The following DOC2A variants were observed in gnomAD, a reference collection of about 807,000 sequenced individuals.
The protein encoded by DOC2A is double C2-like domain-containing protein alpha.
Under a neutral mutation model 40.6 loss-of-function variants are expected in DOC2A, and 28 were observed. That is an observed-to-expected ratio of 0.69 (90% CI 0.51 to 0.95). DOC2A has a LOEUF of 0.95. Ranked by LOEUF, DOC2A falls within the 40% of genes least tolerant of loss-of-function variation. The pLI is 0.00. For missense variants in DOC2A, 474 were observed against 552.5 expected, an observed-to-expected ratio of 0.86 and a Z score of 1.42; for synonymous variants, 241 against 236.9, an observed-to-expected ratio of 1.02 and a Z score of -0.16.
intron 5 of DOC2A, chr16:30,007,609 T>C: frequency 2.3e-6 from 1 of 440,870 alleles, no homozygotes; most frequent in Non-Finnish European, 4.2e-6. Flanking sequence ...GATGTGGCCA[T>C]AGACACAGGC....
intron 1 of DOC2A, among the ~76,000 whole-genome samples, chr16:30,019,160 A>G (rs1323842405): frequency 6.6e-6 from 1 of 152,152 alleles, no homozygotes; most frequent in Non-Finnish European, 1.5e-5. Context: ...TCTACTAAAA[A>G]TTAAAAAATT....
upstream of DOC2A, among the ~76,000 whole-genome samples, chr16:30,022,553 C>T (rs1428480703): frequency 6.6e-6 from 1 of 152,046 alleles, no homozygotes; most frequent in East Asian, 1.9e-4. Context: ...TGCCTGTGGT[C>T]CCAGCTACTC....
At chr16:30,007,640 T>C (rs1001648775) in intron 5 of DOC2A, 7 of 395,044 alleles carry the variant, frequency 1.8e-5, no homozygotes, top group Non-Finnish European at 3.4e-5. Flanking sequence ...AGAAGGGCCT[T>C]GGAGCCTTGG....
upstream of DOC2A, chr16:30,013,598 T>G (rs2070819150): frequency 1.1e-5 from 1 of 87,352 alleles, no homozygotes; most frequent in Non-Finnish European, 2.0e-5. Flanking sequence ...AGTGAGACCC[T>G]GTCTCAAAAA....
chr16:30,013,866 G>A (rs987220941), upstream of DOC2A, among the ~76,000 whole-genome samples: 3 of 151,982 alleles, frequency 2.0e-5, no homozygotes, highest in East Asian at 2.0e-4. Context: ...AGGGGCGCAC[G>A]CCCCACACTT....
In DOC2A at chr16:30,005,864, G is replaced by A; in HGVS notation, c.*322C>T. 1 of 486,212 alleles carries A rather than the reference G, an allele frequency of 2.1e-6. No individual in the cohort carries two copies. The allele number at this position is 486,212 out of a possible 1,614,324, so 30.1% of individuals were successfully genotyped here. ...CCCCTAATCCGACCTCCTCCCTGTT[G>A]GGGGAGAGGGACGGGGCAGCGTGGA... On this transcript the variant is annotated 3_prime_UTR_variant, in exon 11 of 11. Transcript: ENST00000350119.
At position 30,009,909 on chromosome 16, in the gene DOC2A, C is replaced by G. The variant is rs963449566; in HGVS notation, c.262+52G>C. 2.4e-5 allele frequency: 39 copies of G among 1,608,946 alleles called. No homozygotes were observed. The highest frequency in any genetic ancestry group is 1.2e-4 in the Admixed American group (7 of 59,972). On this transcript the variant is annotated intron_variant, in intron 2 of 10. Transcript: ENST00000350119. This position sits in a 1 kb window ranked among gnomAD's most constrained non-coding sequence, Gnocchi z 4.1. ...CCATCCCCCTCTCCCCCCACCACGG[C>G]AAGCCTGGAGACCCCCACCAGCACA...
At chr16:30,012,957 C>T (rs181622362), upstream of DOC2A, among the ~76,000 whole-genome samples, 3 of 151,956 alleles carry the variant, frequency 2.0e-5, no homozygotes, top group East Asian at 1.9e-4. Context: ...TGCCACTGCA[C>T]TCCAGCCTGG....
rs1277988880 is a variant in DOC2A, at chr16:30,006,285, G to A, written c.1104C>T (p.His368=). The part of the protein sequence containing the change: ...GPGARGEARK[H]WSDCLQQPDA... The stretch of plus-strand genomic sequence containing the variant: ...CCGGCTGCTGCAGGCAGTCACTCCA[G>A]TGCTTCCGAGCCTCGCCTCGGGCAC... The change falls in exon 11 of 11, where the codon CAC becomes CAT. Residue 368 remains histidine, a synonymous_variant. Transcript: ENST00000350119. This position sits in a 1 kb window ranked among gnomAD's most constrained non-coding sequence, Gnocchi z 6.2. 6.2e-7 allele frequency: 1 copy of A among 1,608,496 alleles called. No homozygotes were observed. The highest frequency in any genetic ancestry group is 8.5e-7 in the Non-Finnish European group (1 of 1,178,276).
chr16:30,019,977 A>C (rs1332532192), intron 1 of DOC2A, among the ~76,000 whole-genome samples: 3 of 151,756 alleles, frequency 2.0e-5, no homozygotes, highest in African/African-American at 7.3e-5. Context: ...GGCGCAATTT[A>C]GGCTCACCGC....
upstream of DOC2A, among the ~76,000 whole-genome samples, chr16:30,015,784 T>C (rs1176117626): frequency 7.0e-6 from 1 of 143,744 alleles, no homozygotes; most frequent in Non-Finnish European, 1.5e-5. Context: ...CACGACATCC[T>C]CGAACTCTTG....
At chr16:30,014,976 G>A (rs2070840960), upstream of DOC2A, 1 of 152,070 alleles carries the variant, frequency 6.6e-6, no homozygotes, top group African/African-American at 2.4e-5. Context: ...AAAAGCAAGT[G>A]CAGAGAAGCA....
In DOC2A at chr16:30,010,984, G is replaced by A. The variant is rs547425983; in HGVS notation, c.-95C>T. 1.5e-4 allele frequency: 155 copies of A among 1,002,222 alleles called. No individual in the cohort carries two copies. In the African/African-American group the frequency reaches 2.2e-3, roughly 15 times the overall value. The allele number at this position is 1,002,222 out of a possible 1,614,324, so 62.1% of individuals were successfully genotyped here. On this transcript the variant is annotated 5_prime_UTR_variant, in exon 1 of 11. Transcript: ENST00000350119. The surrounding 1 kb of genome is among the most constrained non-coding windows in gnomAD (Gnocchi z 4.2). ...CGGCGGCCGGCGAGGAGAGCGCGGAGTCGAGCTGTGCGAGCCGAGAGGGAG... is the reference window on the plus strand; with the variant it reads ...CGGCGGCCGGCGAGGAGAGCGCGGAATCGAGCTGTGCGAGCCGAGAGGGAG...
At chr16:30,019,960 G>C (rs2070893288) in intron 1 of DOC2A, among the ~76,000 whole-genome samples, 1 of 151,886 alleles carries the variant, frequency 6.6e-6, no homozygotes, top group Non-Finnish European at 1.5e-5. Flanking sequence ...CCAGGCTGGA[G>C]TGCAGTGGCG....
upstream of DOC2A, chr16:30,011,756 C>G (rs1429675585): frequency 6.6e-6 from 1 of 152,316 alleles, no homozygotes; most frequent in African/African-American, 2.4e-5. Context: ...CCCCCACGCC[C>G]CCTCCCTTTG....
At chr16:30,011,896 G>A (rs1023287276), upstream of DOC2A, among the ~76,000 whole-genome samples, 1 of 152,120 alleles carries the variant, frequency 6.6e-6, no homozygotes, top group South Asian at 2.1e-4. Flanking sequence ...CAGGTGGGAA[G>A]GGGCGTCGGG....
intron 5 of DOC2A, chr16:30,008,761 C>T: frequency 4.1e-6 from 2 of 490,596 alleles, no homozygotes; most frequent in Non-Finnish European, 7.5e-6. Flanking sequence ...CCACCTCGGC[C>T]TCCCAAAGTG....
upstream of DOC2A, chr16:30,023,131 T>C: frequency 2.1e-6 from 1 of 479,806 alleles, no homozygotes; most frequent in South Asian, 2.7e-5. Flanking sequence ...TCTTTGTAAA[T>C]GCTGGGGCTG....
chr16:30,009,246 C>T lies in DOC2A; in HGVS notation c.373G>A (p.Ala125Thr), dbSNP rs1476771800. 8.9e-6 allele frequency: 14 copies of T among 1,568,360 alleles called. No individual in the cohort carries two copies. The highest frequency in any genetic ancestry group is 5.7e-5 in the Admixed American group (3 of 52,406). Residue 125 changes from alanine (A) to threonine (T), a missense_variant, in exon 4 of 11, where the codon GCC (alanine) becomes ACC (threonine). Coordinates refer to ENST00000350119, the MANE Select transcript of DOC2A (RefSeq NM_003586.3). This position sits in a 1 kb window ranked among gnomAD's most constrained non-coding sequence, Gnocchi z 4.1. ...AAGTGCAGCTTGACGTAGGGGTCGG[C>T]GAGGCCATTGAAATCCATGGGCTTG... Reference protein sequence around the residue: ...GLKPMDFNGLADPYVKLHLLP... With the variant: ...GLKPMDFNGLTDPYVKLHLLP...
Sources: gnomAD v4.1 joint callset for allele counts (sites outside exome capture counted in the v4.1 genomes callset) on GRCh38, gnomAD v4.1.1 for gene constraint, Gnocchi (gnomAD v3.1) non-coding constraint, MANE v1.5 for transcripts, NCBI Gene and HGNC (gene_info 2026-07-23, HGNC 2026-07-21) for gene names.